Variants in TEX14 observed in about 807,000 individuals in gnomAD.
TEX14 encodes the protein inactive serine/threonine-protein kinase TEX14.
Under a neutral mutation model 178.6 loss-of-function variants are expected in TEX14, and 168 were observed. The ratio of observed to expected loss-of-function variants is 0.94; its 90% CI spans 0.83 to 1.07. The LOEUF is 1.07. Ranked by LOEUF, TEX14 falls within the 50% of genes least tolerant of loss-of-function variation. The probability of loss-of-function intolerance (pLI) is 0.00; values close to 1 mark genes in which losing one functional copy is unlikely to be tolerated. For missense variants in TEX14, 1,730 were observed against 1,753.6 expected (o/e 0.99, Z 0.24); for synonymous variants, 626 against 634.1 (o/e 0.99, Z 0.19).
In TEX14 at chr17:58,585,873, A is replaced by G; in HGVS notation, c.2998T>C (p.Phe1000Leu). The stretch of plus-strand genomic sequence containing the variant: ...CAGTCATTGTTGCCCGTCTTGTCAA[A>G]CTTGCCATTTCCTCTGGGCTCATCA... ...ENDEPRGNGK[F>L]DKTGNNDCDS... The change falls in exon 18 of 32, where the codon TTT (phenylalanine) becomes CTT (leucine). Residue 1000 changes from phenylalanine to leucine, a missense_variant. Phe to Leu is a conservative substitution (Grantham distance 22). Transcript: ENST00000349033. 6.2e-7 allele frequency: 1 copy of G among 1,613,838 alleles called. No individual in the cohort carries two copies. The highest frequency in any genetic ancestry group is 2.2e-5 in the East Asian group (1 of 44,878).
intron 2 of TEX14, among the ~76,000 whole-genome samples, chr17:58,644,461 T>C (rs1228766549): frequency 1.3e-5 from 2 of 151,944 alleles, no homozygotes; most frequent in African/African-American, 2.4e-5. Context: ...GCCTCCCAAG[T>C]AGCTGGGATT....
chr17:58,615,882 T>C (rs1398473268), intron 7 of TEX14, among the ~76,000 whole-genome samples: 2 of 152,204 alleles, frequency 1.3e-5, no homozygotes, highest in African/African-American at 4.8e-5. Context: ...GCAATGTCTG[T>C]AAGACAGTTT....
At chr17:58,679,178 G>T (rs1356535020) in intron 1 of TEX14, among the ~76,000 whole-genome samples, 3 of 152,020 alleles carry the variant, frequency 2.0e-5, no homozygotes, top group Admixed American at 6.6e-5. Flanking sequence ...AAAACAGAAG[G>T]ACTCTGGAGG....
intron 1 of TEX14, chr17:58,659,320 T>C (rs2047057905): frequency 9.2e-6 from 9 of 981,910 alleles, no homozygotes; most frequent in African/African-American, 3.5e-5. Flanking sequence ...TACTTAATAT[T>C]GCTAATACCT....
At chr17:58,600,580 C>A (rs1288053509) in intron 13 of TEX14, among the ~76,000 whole-genome samples, 1 of 151,408 alleles carries the variant, frequency 6.6e-6, no homozygotes, top group Non-Finnish European at 1.5e-5. Flanking sequence ...AAAAAGTAGC[C>A]TAGATACCAC....
rs748597125 is a variant in TEX14 at position 58,616,290 on chromosome 17, C to T, written c.652G>A (p.Ala218Thr). Residue 218 changes from alanine (A) to threonine (T), a missense_variant, in exon 7 of 32, where the codon GCG becomes ACG. This residue lies in a region of TEX14 where 789 missense variants were observed against 681.2 expected (regional missense o/e 1.16). Transcript: ENST00000349033. ...GATCCTAGATAGGCCATCTGTGTCGCCCCAGTAAGATAAAACTGAAACCAA... is the reference window on the plus strand; with the variant it reads ...GATCCTAGATAGGCCATCTGTGTCGTCCCAGTAAGATAAAACTGAAACCAA... ...FGFGKFYLTGATQMAYLGSLP... is the reference protein window; with the variant it reads ...FGFGKFYLTGTTQMAYLGSLP... The T allele has an allele frequency of 8.1e-6, 13 of 1,613,164 alleles. No individual in the cohort carries two copies. The East Asian group carries it at 2.7e-4, about 33-fold the overall frequency.
chr17:58,639,985 G>A (rs2046535904), intron 2 of TEX14, among the ~76,000 whole-genome samples: 1 of 152,056 alleles, frequency 6.6e-6, no homozygotes, highest in African/African-American at 2.4e-5. Flanking sequence ...TTTCTTCCCT[G>A]AACAAATATT....
At chr17:58,668,558 A>T (rs2047251227) in intron 1 of TEX14, among the ~76,000 whole-genome samples, 1 of 152,130 alleles carries the variant, frequency 6.6e-6, no homozygotes, top group Non-Finnish European at 1.5e-5. Context: ...CATTTAATCC[A>T]CTCAACAATT....
chr17:58,602,641 A>G, intron 11 of TEX14, 51 bp from the exon 12 acceptor site: 1 of 1,466,916 alleles, frequency 6.8e-7, no homozygotes, highest in Non-Finnish European at 9.3e-7. Flanking sequence ...CAAAGAGTGG[A>G]GTGGGGGGAA....
chr17:58,570,147 A>G (rs115839126), intron 25 of TEX14, among the ~76,000 whole-genome samples: 2,636 of 137,782 alleles, frequency 0.019, 82 homozygotes, highest in African/African-American at 0.062. Flanking sequence ...ATATATTTAT[A>G]AAAATATTTA....
intron 1 of TEX14, among the ~76,000 whole-genome samples, chr17:58,655,204 G>A (rs1355949857): frequency 6.6e-6 from 1 of 151,386 alleles, no homozygotes; most frequent in African/African-American, 2.4e-5. Context: ...TCTTTTTGAG[G>A]AATCTCACTC....
chr17:58,588,884 G>A (rs763806321), intron 15 of TEX14, among the ~76,000 whole-genome samples: 2 of 152,088 alleles, frequency 1.3e-5, no homozygotes, highest in African/African-American at 2.4e-5. Flanking sequence ...GTACAACATA[G>A]TGAAACTCTG....
intron 20 of TEX14, among the ~76,000 whole-genome samples, chr17:58,578,315 C>T (rs192582139): frequency 4.6e-5 from 7 of 152,310 alleles, no homozygotes; most frequent in Admixed American, 4.6e-4. Context: ...TAAGAAGCAA[C>T]ATTTAGAGCT....
At position 58,613,487 on chromosome 17, in the gene TEX14, T is replaced by G. The variant is rs8077548; in HGVS notation, c.939A>C (p.Leu313=). ...QLMAVCLSQD[L]EKTRLVYERI... Reference sequence around the variant, plus strand: ...GCTCGTACACAAGGCGGGTTTTCTCTAGGTCCTGGGAGAGACACACAGCCA... The same window carrying G: ...GCTCGTACACAAGGCGGGTTTTCTCGAGGTCCTGGGAGAGACACACAGCCA... Residue 313 remains leucine (L), a synonymous_variant, in exon 9 of 32, where the codon CTA becomes CTC. Transcript: ENST00000349033. The G allele has an allele frequency of 6.2e-7, 1 of 1,613,868 alleles. No homozygotes were observed. The highest frequency in any genetic ancestry group is 1.1e-5 in the South Asian group (1 of 91,072).
chr17:58,598,093 C>T lies in TEX14; in HGVS notation c.2469+783G>A, dbSNP rs577885918. Among the ~76,000 whole-genome samples the T allele has an allele frequency of 5.0e-4, 76 of 152,184 alleles. 1 individual carries two copies. The South Asian group carries it at 9.7e-3, about 20-fold the overall frequency. On this transcript the variant is annotated intron_variant, in intron 14 of 31. Transcript: ENST00000349033. ...CTTTGGGAGGCCGAGGTGGGCAGAT[C>T]ACCTGAGGTCAGGAGTTCGAGACCA...
chr17:58,560,390 G>A (rs964071987), intron 29 of TEX14, among the ~76,000 whole-genome samples: 6 of 152,200 alleles, frequency 3.9e-5, no homozygotes, highest in East Asian at 1.9e-4. Context: ...GTTATATTCC[G>A]CCCCCGTTCA....
chr17:58,653,308 T>C (rs921516759), intron 1 of TEX14, among the ~76,000 whole-genome samples: 1 of 152,218 alleles, frequency 6.6e-6, no homozygotes, highest in East Asian at 1.9e-4. Context: ...TTCACTGTAG[T>C]TGTTAGCTGT....
At chr17:58,639,816 G>A (rs780134283) in intron 2 of TEX14, among the ~76,000 whole-genome samples, 143 of 152,244 alleles carry the variant, frequency 9.4e-4, no homozygotes, top group Admixed American at 4.7e-3. Flanking sequence ...ACTTTCGAAC[G>A]CTAGGGTCAG....
Position 58,616,310 on chromosome 17 carries a change from A to G in TEX14, c.637-5T>C, listed in dbSNP as rs1271271922. Reference sequence around the variant, plus strand: ...TGTCGCCCCAGTAAGATAAAACTGAAACCAAGGCATAGCCTCAAATTATGG... The same window carrying G: ...TGTCGCCCCAGTAAGATAAAACTGAGACCAAGGCATAGCCTCAAATTATGG... On this transcript the variant is annotated splice_polypyrimidine_tract_variant and splice_region_variant and intron_variant, in intron 6 of 31. Coordinates refer to ENST00000349033, the MANE Select transcript of TEX14 (RefSeq NM_031272.5). 1.9e-6 allele frequency: 3 copies of G among 1,611,444 alleles called. No homozygotes were observed. The highest frequency in any genetic ancestry group is 1.7e-5 in the Admixed American group (1 of 59,338).
Sources: allele counts gnomAD v4.1 joint callset (sites outside exome capture counted in the v4.1 genomes callset), GRCh38; gene constraint gnomAD v4.1.1; regional missense constraint gnomAD v4.1.1; transcripts MANE v1.5; gene names NCBI Gene and HGNC (gene_info 2026-07-23, HGNC 2026-07-21).